RIDA: variants seen among roughly 807,000 people sequenced by gnomAD.
RIDA encodes 2-iminobutanoate/2-iminopropanoate deaminase.
In RIDA, 17 loss-of-function variants were observed where a neutral mutation model predicts 17.8. The observed-to-expected ratio is 0.96, with a 90% CI of 0.65 to 1.43. RIDA has a LOEUF of 1.43. Ranked by LOEUF, RIDA falls within the 40% of genes most tolerant of loss-of-function variation. The probability of loss-of-function intolerance (pLI) is 0.00; values close to 1 mark genes in which losing one functional copy is unlikely to be tolerated. For missense variants in RIDA, 158 were observed against 161.7 expected (o/e 0.98, Z 0.12); for synonymous variants, 48 against 55.7 (o/e 0.86, Z 0.62).
intron 1 of RIDA, among the ~76,000 whole-genome samples, chr8:98,109,739 G>T (rs1019422391): frequency 1.8e-4 from 27 of 152,026 alleles, no homozygotes; most frequent in African/African-American, 6.5e-4. Context: ...GAGACTAAAG[G>T]TGTGCACCAC....
At chr8:98,115,414 AAG>A (rs1438816856) in intron 1 of RIDA, among the ~76,000 whole-genome samples, 11 of 89,224 alleles carry the variant, frequency 1.2e-4, no homozygotes, top group African/African-American at 4.8e-4. Flanking sequence ...AAAAAAAAAA[AAG>A]GGATAGTGCC....
chr8:98,102,966 C>G (rs1298020489), intron 5 of RIDA, 62 bp from the exon 6 acceptor site: 1 of 1,183,656 alleles, frequency 8.4e-7, no homozygotes, highest in African/African-American at 1.5e-5. Flanking sequence ...CTCTATAATA[C>G]CTACTAAAAA....
intron 5 of RIDA, among the ~76,000 whole-genome samples, chr8:98,104,178 T>C (rs1815603198): frequency 6.6e-6 from 1 of 151,458 alleles, no homozygotes. Flanking sequence ...AACTCCTGGG[T>C]TCAAGTGTTC....
chr8:98,111,474 T>C (rs2447502), intron 1 of RIDA, among the ~76,000 whole-genome samples: 24,641 of 151,842 alleles, frequency 0.16, 2,384 homozygotes, highest in East Asian at 0.37. Flanking sequence ...CCAGTGGTGG[T>C]GCACACCTGT....
At chr8:98,103,624 T>G (rs1815589913) in intron 5 of RIDA, among the ~76,000 whole-genome samples, 1 of 152,018 alleles carries the variant, frequency 6.6e-6, no homozygotes, top group Non-Finnish European at 1.5e-5. Flanking sequence ...ACAGCTGCTA[T>G]TTTATTTTTT....
At chr8:98,109,505 A>G (rs549397627) in intron 1 of RIDA, among the ~76,000 whole-genome samples, 3 of 152,346 alleles carry the variant, frequency 2.0e-5, no homozygotes, top group African/African-American at 7.2e-5. Flanking sequence ...ACCCTCATAC[A>G]TTGTCGGTAG....
At chr8:98,113,267 A>G (rs1815754528) in intron 1 of RIDA, among the ~76,000 whole-genome samples, 1 of 152,220 alleles carries the variant, frequency 6.6e-6, no homozygotes, top group African/African-American at 2.4e-5. Context: ...ATTAGTGACA[A>G]CACCCCATCC....
intron 2 of RIDA, among the ~76,000 whole-genome samples, 157 bp downstream of exon 2, chr8:98,108,489 T>TATAGATCAAATTTCCAAC (rs1291067627): frequency 1.2e-3 from 188 of 152,248 alleles, no homozygotes; most frequent in African/African-American, 4.5e-3. Context: ...AATTTCCAAC[T>TATAGATCAAATTTCCAAC]CTTAGATCAA....
intron 5 of RIDA, among the ~76,000 whole-genome samples, chr8:98,103,541 T>C (rs377491468): frequency 1.7e-4 from 26 of 152,316 alleles, no homozygotes; most frequent in African/African-American, 4.3e-4. Flanking sequence ...AATATCCAGG[T>C]GAAATTTTTA....
chr8:98,112,526 T>C (rs1009761492), intron 1 of RIDA, among the ~76,000 whole-genome samples: 6 of 152,230 alleles, frequency 3.9e-5, no homozygotes, highest in African/African-American at 1.4e-4. Context: ...AATCTCTTTT[T>C]AGCAGGACCT....
intron 1 of RIDA, among the ~76,000 whole-genome samples, chr8:98,116,064 C>A (rs1815816774): frequency 6.6e-6 from 1 of 152,170 alleles, no homozygotes; most frequent in African/African-American, 2.4e-5. Context: ...CTGACTTCTA[C>A]CTCCATGCCC....
At chr8:98,113,613 A>G (rs2514337) in intron 1 of RIDA, 69,279 of 151,796 alleles carry the variant, frequency 0.46, 16,046 homozygotes, top group Admixed American at 0.51. Flanking sequence ...TTTCAGCTTT[A>G]TAAAGACAGT....
intron 1 of RIDA, chr8:98,113,851 G>C (rs892801238): frequency 1.4e-4 from 21 of 152,204 alleles, no homozygotes; most frequent in African/African-American, 4.6e-4. Flanking sequence ...AAAGACATTA[G>C]GGCAGAAGGA....
At chr8:98,103,511 GC>G (rs1230689324) in intron 5 of RIDA, among the ~76,000 whole-genome samples, 2 of 152,114 alleles carry the variant, frequency 1.3e-5, no homozygotes, top group African/African-American at 4.8e-5. Context: ...CTAGTGGAAG[GC>G]TTAGATTTTT....
intron 1 of RIDA, among the ~76,000 whole-genome samples, chr8:98,115,441 A>AAGC (rs990719971): frequency 1.3e-5 from 2 of 151,454 alleles, no homozygotes; most frequent in African/African-American, 4.9e-5. Flanking sequence ...GCTGCTGAGT[A>AAGC]AGCATCAGTA....
In RIDA at chr8:98,112,111, CAT is replaced by C. The variant is rs557058577; in HGVS notation, c.66-3362_66-3361del. Among the ~76,000 whole-genome samples, 14 of 151,630 alleles carry C rather than the reference CAT, an allele frequency of 9.2e-5. No individual in the cohort carries two copies. The East Asian group carries it at 2.5e-3, about 27-fold the overall frequency. On this transcript the variant is annotated intron_variant, in intron 1 of 5. Transcript: ENST00000254878. ...GCTTCCTCATTTTTTTTAACAGCTA[CAT>C]ATGTTTTACAATATAGATGTACTTT...
At chr8:98,111,793 A>T (rs1815730845) in intron 1 of RIDA, among the ~76,000 whole-genome samples, 1 of 150,834 alleles carries the variant, frequency 6.6e-6, no homozygotes. Flanking sequence ...TTTTCCCTTT[A>T]TAATTTATTT....
intron 1 of RIDA, 73 bp downstream of exon 1, chr8:98,116,959 C>T: frequency 8.1e-7 from 1 of 1,229,442 alleles, no homozygotes; most frequent in Non-Finnish European, 1.2e-6. Flanking sequence ...GGCTCCGGCC[C>T]GGAGTGGCCC....
chr8:98,106,201 G>T, intron 3 of RIDA, 71 bp downstream of exon 3: 2 of 1,411,220 alleles, frequency 1.4e-6, no homozygotes, highest in Non-Finnish European at 2.0e-6. Flanking sequence ...CATCTTACTG[G>T]ATGCCATATA....
Sources: allele counts gnomAD v4.1 joint callset (sites outside exome capture counted in the v4.1 genomes callset), GRCh38; gene constraint gnomAD v4.1.1; transcripts MANE v1.5; gene names NCBI Gene and HGNC (gene_info 2026-07-23, HGNC 2026-07-21).